The following NT5DC4 variants were observed in gnomAD, a reference collection of about 807,000 sequenced individuals.
NT5DC4 encodes the protein 5'-nucleotidase domain-containing protein 4.
A neutral mutation model predicts 26.6 loss-of-function variants in NT5DC4; 44 were observed. The observed-to-expected ratio is 1.65, with a 90% CI of 1.30 to 2.13. The LOEUF is 2.13. Among genes scored for constraint, NT5DC4 ranks in the 30% most tolerant of loss-of-function variants. The probability of loss-of-function intolerance (pLI) is 0.00; values close to 1 mark genes in which losing one functional copy is unlikely to be tolerated. For missense variants in NT5DC4, 399 were observed against 228.1 expected, an observed-to-expected ratio of 1.75 and a Z score of -4.83; for synonymous variants, 157 against 86.7, an observed-to-expected ratio of 1.81 and a Z score of -4.51.
In NT5DC4 at chr2:112,730,621, C is replaced by T. The variant is rs111818282; in HGVS notation, c.1344+917C>T. Among the ~76,000 whole-genome samples, 13 of 152,274 alleles carry T rather than the reference C, an allele frequency of 8.5e-5. 2 individuals are homozygous for T. The highest frequency in any genetic ancestry group is 2.9e-4 in the African/African-American group (12 of 41,552). On this transcript the variant is annotated intron_variant, in intron 16 of 16. Coordinates refer to ENST00000688554, the MANE Select transcript of NT5DC4 (RefSeq NM_001393655.1). ...TGGATTCCTCGTTGGGTTCTGCACC[C>T]CCAAAACCCTGCATAAATGTTCCTC...
At chr2:112,719,924 C>CTCTTTCTTTCTTTCTTTCTTTTTTTCTT (rs1676694047), upstream of NT5DC4, among the ~76,000 whole-genome samples, 11 of 69,154 alleles carry the variant, frequency 1.6e-4, no homozygotes, top group African/African-American at 7.2e-4. Flanking sequence ...TTCTTTCTTT[C>CTCTTTCTTTCTTTCTTTCTTTTTTTCTT]TCTTTCTTTC....
chr2:112,732,616 TGTG>T (rs1470117362), intron 16 of NT5DC4, among the ~76,000 whole-genome samples: 1 of 152,186 alleles, frequency 6.6e-6, no homozygotes, highest in Non-Finnish European at 1.5e-5. Context: ...TGAAATATAG[TGTG>T]GTAGCTAACA....
At chr2:112,718,945 A>AT (rs1245540398), upstream of NT5DC4, among the ~76,000 whole-genome samples, 2 of 152,074 alleles carry the variant, frequency 1.3e-5, no homozygotes, top group Non-Finnish European at 2.9e-5. Context: ...TCCATCCTCC[A>AT]TTCCTCCATC....
At chr2:112,732,890 C>T (rs1217574326) in intron 16 of NT5DC4, among the ~76,000 whole-genome samples, 3 of 152,182 alleles carry the variant, frequency 2.0e-5, no homozygotes, top group Non-Finnish European at 4.4e-5. Context: ...CTCTATTTCT[C>T]AGGACTTGGA....
At chr2:112,721,185 G>A (rs1321879993) in intron 1 of NT5DC4, among the ~76,000 whole-genome samples, 32 bp downstream of exon 1, 1 of 152,212 alleles carries the variant, frequency 6.6e-6, no homozygotes, top group African/African-American at 2.4e-5. Flanking sequence ...GGGGCCAGGG[G>A]TCTCAGCCCA....
chr2:112,723,251 T>G (rs1312521309), intron 7 of NT5DC4, 77 bp downstream of exon 7: 2 of 715,614 alleles, frequency 2.8e-6, no homozygotes, highest in Admixed American at 4.0e-5. Flanking sequence ...AGGCCTCCAG[T>G]CCCCATAGCG....
At chr2:112,735,420 T>C (rs1009280418) in intron 16 of NT5DC4, among the ~76,000 whole-genome samples, 1 of 152,118 alleles carries the variant, frequency 6.6e-6, no homozygotes, top group Non-Finnish European at 1.5e-5. Flanking sequence ...ATGTGAACCA[T>C]CATGCCTCTC....
chr2:112,725,096 C>T, intron 11 of NT5DC4, 78 bp from the exon 12 acceptor site: 2 of 671,212 alleles, frequency 3.0e-6, no homozygotes, highest in African/African-American at 1.8e-5. Context: ...CTGCCACTCC[C>T]AGCTCCCTGC....
At chr2:112,719,996 T>G (rs61247764), upstream of NT5DC4, among the ~76,000 whole-genome samples, 6 of 119,970 alleles carry the variant, frequency 5.0e-5, no homozygotes, top group African/African-American at 1.6e-4. Flanking sequence ...CTTTTTCTTT[T>G]CTTTTCTTTT....
chr2:112,735,487 C>G (rs934293548), intron 16 of NT5DC4, among the ~76,000 whole-genome samples: 8 of 123,026 alleles, frequency 6.5e-5, no homozygotes, highest in Non-Finnish European at 1.5e-4. Context: ...AATCCTCCCC[C>G]CCCTTTTTTT....
At chr2:112,739,364 T>C (rs1226347392), downstream of NT5DC4, among the ~76,000 whole-genome samples, 2 of 152,136 alleles carry the variant, frequency 1.3e-5, no homozygotes, top group Non-Finnish European at 2.9e-5. Context: ...AAGGCTGCAG[T>C]GAGCTATGAT....
chr2:112,722,775 C>T lies in NT5DC4; in HGVS notation c.527+4C>T, dbSNP rs558609058. On this transcript the variant is annotated splice_donor_region_variant and intron_variant, in intron 6 of 16. Coordinates refer to ENST00000688554, the MANE Select transcript of NT5DC4 (RefSeq NM_001393655.1). Reference sequence around the variant, plus strand: ...CTGGCTGCTCCCGTTACACTAAGTGCGTCTTGTGCCCTGCCCAGCCCTGGG... The same window carrying T: ...CTGGCTGCTCCCGTTACACTAAGTGTGTCTTGTGCCCTGCCCAGCCCTGGG... 12 of 717,582 alleles carry T rather than the reference C, an allele frequency of 1.7e-5. No individual in the cohort carries two copies. The highest frequency in any genetic ancestry group is 1.0e-4 in the South Asian group (7 of 67,610). 44.5% of individuals were successfully genotyped at this position (717,582 alleles called of 1,614,324 possible). A position where few individuals can be genotyped will look rare whatever the true frequency, so the allele number is the denominator to read the frequency against.
At chr2:112,726,333 G>T (rs962400570) in intron 14 of NT5DC4, 44 bp downstream of exon 14, 11 of 716,856 alleles carry the variant, frequency 1.5e-5, no homozygotes, top group African/African-American at 1.4e-4. Context: ...GCAGGGAGAG[G>T]TATGGAGGGG....
Position 112,724,251 on chromosome 2 carries a change from G to T in NT5DC4, c.789+125G>T, listed in dbSNP as rs947405787. The T allele has an allele frequency of 5.8e-6, 4 of 693,954 alleles. No individual in the cohort carries two copies. In the African/African-American group the frequency reaches 7.0e-5, roughly 12 times the overall value. The allele number at this position is 693,954 out of a possible 1,614,324, so 43.0% of individuals were successfully genotyped here. On this transcript the variant is annotated intron_variant, in intron 10 of 16. Coordinates refer to ENST00000688554, the MANE Select transcript of NT5DC4 (RefSeq NM_001393655.1). ...CTCCCTTTGAGGAAGACCTGAGTGT[G>T]TGAGTGGTCATTTCTCATGAGTGGA...
upstream of NT5DC4, among the ~76,000 whole-genome samples, chr2:112,719,481 C>CTT (rs57789268): frequency 0.057 from 5,770 of 101,136 alleles, 519 homozygotes; most frequent in African/African-American, 0.14. Context: ...ACTTGTCTGT[C>CTT]TTTTTTTTTT....
chr2:112,721,425 T>A (rs1187231894), intron 1 of NT5DC4: 1 of 715,562 alleles, frequency 1.4e-6, no homozygotes, highest in Non-Finnish European at 2.6e-6. Flanking sequence ...TGCTATCCAA[T>A]TGTGACAAAC....
At chr2:112,740,460 G>A (rs1459736349), downstream of NT5DC4, among the ~76,000 whole-genome samples, 1 of 152,164 alleles carries the variant, frequency 6.6e-6, no homozygotes, top group Non-Finnish European at 1.5e-5. Flanking sequence ...TCTCTGACTA[G>A]TACATACTCC....
At chr2:112,719,046 G>C (rs1481782719), upstream of NT5DC4, among the ~76,000 whole-genome samples, 1 of 152,170 alleles carries the variant, frequency 6.6e-6, no homozygotes, top group Admixed American at 6.5e-5. Flanking sequence ...GATCTGTTCT[G>C]AAAAACGTGT....
At chr2:112,725,150 C>T in intron 11 of NT5DC4, 24 bp from the exon 12 acceptor site, 1 of 709,894 alleles carries the variant, frequency 1.4e-6, no homozygotes. Flanking sequence ...CTCCTGGCTC[C>T]AGGGCACCCC....
Sources: allele counts gnomAD v4.1 joint callset (sites outside exome capture counted in the v4.1 genomes callset), GRCh38; gene constraint gnomAD v4.1.1; transcripts MANE v1.5; gene names NCBI Gene and HGNC (gene_info 2026-07-23, HGNC 2026-07-21).